KIRREL3: variants seen among roughly 807,000 people sequenced by gnomAD.
KIRREL3 encodes the protein kirre like nephrin family adhesion molecule 3.
KIRREL3 carries 36 observed loss-of-function variants against 89.7 expected under a neutral mutation model. That is an observed-to-expected ratio of 0.40 (90% CI 0.31 to 0.53). The LOEUF is 0.53. KIRREL3 is among the 20% of genes least tolerant of loss of function. The probability of loss-of-function intolerance (pLI) is 0.49; values close to 1 mark genes in which losing one functional copy is unlikely to be tolerated. For synonymous variants in KIRREL3, 445 were observed against 441.4 expected (o/e 1.01, Z -0.10); for missense variants, 864 against 1,056.6 (o/e 0.82, Z 2.53).
rs968980066 is a variant in KIRREL3 at position 126,994,294 on chromosome 11, T to C, written c.55+6161A>G. On this transcript the variant is annotated intron_variant, in intron 1 of 16. Coordinates refer to ENST00000525144, the MANE Select transcript of KIRREL3 (RefSeq NM_032531.4). The surrounding 1 kb of genome is among the most constrained non-coding windows in gnomAD (Gnocchi z 5.2). ...TGTCCAGGGGATGCAGGCAGGTGTCTGTGTTTGGCTGCCCCCTTTGCAGTT... is the reference window on the plus strand; with the variant it reads ...TGTCCAGGGGATGCAGGCAGGTGTCCGTGTTTGGCTGCCCCCTTTGCAGTT... Among the ~76,000 whole-genome samples the C allele has an allele frequency of 2.0e-5, 3 of 152,170 alleles. No individual in the cohort carries two copies. Among genetic ancestry groups the C allele is most frequent in the African/African-American group, 7.2e-5 (3 of 41,422 alleles).
rs914356487 is a variant in KIRREL3, at chr11:126,700,601, G to A, written c.56-137689C>T. Reference sequence around the variant, plus strand: ...ATCAGCTGAGGCCCCACCTTTGGCCGATCCTCTGCCTCCTAGCCTTTCTGG... The same window carrying A: ...ATCAGCTGAGGCCCCACCTTTGGCCAATCCTCTGCCTCCTAGCCTTTCTGG... On this transcript the variant is annotated intron_variant, in intron 1 of 16. Transcript: ENST00000525144. Among the ~76,000 whole-genome samples the A allele has an allele frequency of 3.3e-5, 5 of 152,174 alleles. No homozygotes were observed. In the East Asian group the frequency reaches 5.8e-4, roughly 18 times the overall value.
At chr11:126,630,616 C>T (rs550587832) in intron 1 of KIRREL3, among the ~76,000 whole-genome samples, 1 of 152,162 alleles carries the variant, frequency 6.6e-6, no homozygotes, top group African/African-American at 2.4e-5. Context: ...TTACCTCTTA[C>T]CTCTGCCTGG....
rs1943606382 is a variant in KIRREL3, at chr11:126,622,330, C to T, written c.56-59418G>A. On this transcript the variant is annotated intron_variant, in intron 1 of 16. Coordinates refer to ENST00000525144, the MANE Select transcript of KIRREL3 (RefSeq NM_032531.4). This position sits in a 1 kb window ranked among gnomAD's most constrained non-coding sequence, Gnocchi z 5.2. ...ACATTTTATCTCAAGTTGAACTTTGCATCCCCATTCTCTGGATTTGGGGTC... is the reference window on the plus strand; with the variant it reads ...ACATTTTATCTCAAGTTGAACTTTGTATCCCCATTCTCTGGATTTGGGGTC... Among the ~76,000 whole-genome samples, 1 of 152,208 alleles carries T rather than the reference C, an allele frequency of 6.6e-6. No homozygotes were observed. Among genetic ancestry groups the T allele is most frequent in the South Asian group, 2.1e-4 (1 of 4,830 alleles).
chr11:126,691,703 G>A (rs538520575), intron 1 of KIRREL3, among the ~76,000 whole-genome samples: 18 of 152,362 alleles, frequency 1.2e-4, no homozygotes, highest in African/African-American at 3.6e-4. Context: ...ACTTTGGGTA[G>A]AGGAAGAGAA....
chr11:126,827,610 G>T (rs10750350), intron 1 of KIRREL3, among the ~76,000 whole-genome samples: 131,448 of 152,238 alleles, frequency 0.86, 57,099 homozygotes, highest in East Asian at 1. Context: ...TTGAAAATAA[G>T]TCTAAAGGAT....
chr11:126,453,091 T>G (rs1301048572), intron 7 of KIRREL3, among the ~76,000 whole-genome samples: 1 of 24,802 alleles, frequency 4.0e-5, no homozygotes, highest in Non-Finnish European at 8.7e-5. Context: ...CTTCCCCACC[T>G]CCCCCAGCCC....
chr11:126,530,812 C>T lies in KIRREL3; in HGVS notation c.134-4125G>A, dbSNP rs1008942506. Among the ~76,000 whole-genome samples, 1 of 152,126 alleles carries T rather than the reference C, an allele frequency of 6.6e-6. No individual in the cohort carries two copies. Among genetic ancestry groups the T allele is most frequent in the Non-Finnish European group, 1.5e-5 (1 of 68,020 alleles). On this transcript the variant is annotated intron_variant, in intron 2 of 16. Coordinates refer to ENST00000525144, the MANE Select transcript of KIRREL3 (RefSeq NM_032531.4). The surrounding 1 kb of genome is among the most constrained non-coding windows in gnomAD (Gnocchi z 5.8). ...AGCCTTGGCGGCCGGTGCAATCTCC[C>T]CTTCCCATACTTTATTTTTATTTTT...
chr11:126,495,081 C>G lies in KIRREL3; in HGVS notation c.434-21615G>C, dbSNP rs569543214. 6.6e-6 allele frequency among the ~76,000 whole-genome samples: 1 copy of G among 152,284 alleles called. No individual in the cohort carries two copies. Among genetic ancestry groups the G allele is most frequent in the East Asian group, 1.9e-4 (1 of 5,176 alleles). On this transcript the variant is annotated intron_variant, in intron 4 of 16. Transcript: ENST00000525144. The surrounding 1 kb of genome is among the most constrained non-coding windows in gnomAD (Gnocchi z 6.5). ...AGTGGGCACTGAGCACTTAGCTGGC[C>G]CCTCTTAGGCCCTGACCTCCAGGCA...
At position 126,501,221 on chromosome 11, in the gene KIRREL3, A is replaced by G. The variant is rs1393050908; in HGVS notation, c.433+20094T>C. ...AGGAGGACTGGCTGAGGCTGCAGGCAGGAAGCTCAGTTGGGTGAACCCAGG... is the reference window on the plus strand; with the variant it reads ...AGGAGGACTGGCTGAGGCTGCAGGCGGGAAGCTCAGTTGGGTGAACCCAGG... On this transcript the variant is annotated intron_variant, in intron 4 of 16. Coordinates refer to ENST00000525144, the MANE Select transcript of KIRREL3 (RefSeq NM_032531.4). This position sits in a 1 kb window ranked among gnomAD's most constrained non-coding sequence, Gnocchi z 5.8. 1.3e-5 allele frequency among the ~76,000 whole-genome samples: 2 copies of G among 152,252 alleles called. No homozygotes were observed.
chr11:126,601,884 GGGACA>G lies in KIRREL3; in HGVS notation c.56-38977_56-38973del, dbSNP rs1942673337. On this transcript the variant is annotated intron_variant, in intron 1 of 16. Transcript: ENST00000525144. This position sits in a 1 kb window ranked among gnomAD's most constrained non-coding sequence, Gnocchi z 5.8. ...GTCTTGGCCTGAGAACCGTGCATAC[GGGACA>G]GCATGAGTTTTAGGAGACAAGGGGT... 6.6e-6 allele frequency among the ~76,000 whole-genome samples: 1 copy of G among 152,126 alleles called. No individual in the cohort carries two copies. Among genetic ancestry groups the G allele is most frequent in the South Asian group, 2.1e-4 (1 of 4,830 alleles).
intron 1 of KIRREL3, among the ~76,000 whole-genome samples, chr11:126,895,426 G>T (rs117703097): frequency 0.07 from 9,565 of 136,760 alleles, 378 homozygotes; most frequent in Middle Eastern, 0.097. Flanking sequence ...TGCAGCCTCA[G>T]CAACAGAGTG....
intron 1 of KIRREL3, among the ~76,000 whole-genome samples, chr11:126,922,477 G>C (rs1324956461): frequency 6.6e-6 from 1 of 152,016 alleles, no homozygotes; most frequent in Non-Finnish European, 1.5e-5. Context: ...TCGTGTGCCT[G>C]ATCTGTGCCC....
At chr11:126,548,769 A>G (rs1227805080) in intron 2 of KIRREL3, among the ~76,000 whole-genome samples, 1 of 152,212 alleles carries the variant, frequency 6.6e-6, no homozygotes, top group East Asian at 1.9e-4. Context: ...CTCTGAATCC[A>G]GCAGAAATGA....
chr11:126,478,604 T>G (rs1242211055), intron 4 of KIRREL3, among the ~76,000 whole-genome samples: 1 of 144,828 alleles, frequency 6.9e-6, no homozygotes, highest in Non-Finnish European at 1.5e-5. Flanking sequence ...TATATGTATA[T>G]GCATGTATAT....
rs530368699 is a variant in KIRREL3, at chr11:126,790,920, T to C, written c.55+209535A>G. Among the ~76,000 whole-genome samples the C allele has an allele frequency of 2.6e-5, 4 of 152,290 alleles. No homozygotes were observed. The South Asian group carries it at 8.3e-4, about 32-fold the overall frequency. Reference sequence around the variant, plus strand: ...ATGGAACCGTCATAAACAAGAACAATGCCTATTGTGCTCTGCTTAGAAATG... The same window carrying C: ...ATGGAACCGTCATAAACAAGAACAACGCCTATTGTGCTCTGCTTAGAAATG... On this transcript the variant is annotated intron_variant, in intron 1 of 16. Transcript: ENST00000525144.
intron 1 of KIRREL3, among the ~76,000 whole-genome samples, chr11:126,711,814 C>A (rs1947766640): frequency 6.6e-6 from 1 of 152,202 alleles, no homozygotes; most frequent in Non-Finnish European, 1.5e-5. Flanking sequence ...CTTCTTCAAG[C>A]CACAGAGCCT....
At chr11:126,446,968 T>C in intron 8 of KIRREL3, 82 bp from the exon 9 acceptor site, 3 of 1,491,758 alleles carry the variant, frequency 2.0e-6, no homozygotes, top group Non-Finnish European at 2.7e-6. Flanking sequence ...CTTTTCCCCC[T>C]AGACCTTGAC....
rs1245096053 is a variant in KIRREL3, at chr11:126,429,203, C to T, written c.1782G>A (p.Glu594=). 6.2e-7 allele frequency: 1 copy of T among 1,612,848 alleles called. No homozygotes were observed. Among genetic ancestry groups the T allele is most frequent in the East Asian group, 2.2e-5 (1 of 44,862 alleles). ...KEPASGREGE[E]HSTIKQLMMD... Reference sequence around the variant, plus strand: ...CCATCAGCTGCTTGATGGTGGAGTGCTCCTCACCCTCCCGACCAGAGGCTG... The same window carrying T: ...CCATCAGCTGCTTGATGGTGGAGTGTTCCTCACCCTCCCGACCAGAGGCTG... Residue 594 remains glutamate (E), a synonymous_variant, in exon 15 of 17, where the codon GAG becomes GAA. Coordinates refer to ENST00000525144, the MANE Select transcript of KIRREL3 (RefSeq NM_032531.4). The surrounding 1 kb of genome is among the most constrained non-coding windows in gnomAD (Gnocchi z 5.2).
rs536476136 is a variant in KIRREL3 at position 126,574,023 on chromosome 11, A to G, written c.56-11111T>C. ...AAGTCCACACATTCCAGAAAGCTCC[A>G]TGGAAGCCCCTTACAGGCCCCAGAC... On this transcript the variant is annotated intron_variant, in intron 1 of 16. Coordinates refer to ENST00000525144, the MANE Select transcript of KIRREL3 (RefSeq NM_032531.4). The surrounding 1 kb of genome is among the most constrained non-coding windows in gnomAD (Gnocchi z 5.3). 1.6e-4 allele frequency among the ~76,000 whole-genome samples: 25 copies of G among 152,220 alleles called. No homozygotes were observed. Among genetic ancestry groups the G allele is most frequent in the Non-Finnish European group, 2.9e-4 (20 of 68,036 alleles).
Sources: gnomAD v4.1 joint callset for allele counts (sites outside exome capture counted in the v4.1 genomes callset) on GRCh38, gnomAD v4.1.1 for gene constraint, Gnocchi (gnomAD v3.1) non-coding constraint, MANE v1.5 for transcripts, NCBI Gene and HGNC (gene_info 2026-07-23, HGNC 2026-07-21) for gene names.